Variants in RBM33 observed in about 807,000 individuals in gnomAD.
RBM33 encodes the protein RNA-binding protein 33.
Under a neutral mutation model 132.6 loss-of-function variants are expected in RBM33, and 28 were observed. The observed-to-expected ratio is 0.21, with a 90% CI of 0.16 to 0.29. The LOEUF (loss-of-function observed/expected upper bound fraction) is 0.29, where lower values mean the gene tolerates loss of function less well. Among genes scored for constraint, RBM33 ranks in the 10% least tolerant of loss-of-function variants. The pLI is 1.00. For synonymous variants in RBM33, 634 were observed against 593.0 expected (o/e 1.07, Z -1.01); for missense variants, 1,291 against 1,518.5 (o/e 0.85, Z 2.49).
At chr7:155,721,519 T>C (rs1213386614) in intron 9 of RBM33, among the ~76,000 whole-genome samples, 2 of 152,094 alleles carry the variant, frequency 1.3e-5, no homozygotes, top group Non-Finnish European at 2.9e-5. Context: ...TCATACCCAA[T>C]TGACTAAAAG....
intron 8 of RBM33, among the ~76,000 whole-genome samples, chr7:155,715,527 C>T (rs756163139): frequency 5.3e-5 from 8 of 152,132 alleles, no homozygotes; most frequent in African/African-American, 1.4e-4. Context: ...CACCCCAAAG[C>T]GCACGTGTGA....
chr7:155,727,485 T>C (rs372634053), intron 9 of RBM33, among the ~76,000 whole-genome samples: 2 of 152,100 alleles, frequency 1.3e-5, no homozygotes, highest in East Asian at 3.9e-4. Flanking sequence ...AGTTGTGTAA[T>C]TAGAGGGAAA....
At chr7:155,770,101 C>T (rs1479179285) in intron 16 of RBM33, among the ~76,000 whole-genome samples, 1 of 152,180 alleles carries the variant, frequency 6.6e-6, no homozygotes, top group East Asian at 1.9e-4. Flanking sequence ...TAAACCAGAG[C>T]AAAAGGAGCA....
intron 3 of RBM33, among the ~76,000 whole-genome samples, chr7:155,673,729 CAT>C (rs1185961264): frequency 6.3e-5 from 9 of 143,482 alleles, no homozygotes; most frequent in South Asian, 2.2e-4. Flanking sequence ...TATACACACA[CAT>C]ATATACATAC....
At chr7:155,701,040 C>A in intron 6 of RBM33, 96 bp downstream of exon 6, 1 of 1,114,794 alleles carries the variant, frequency 9.0e-7, no homozygotes, top group Admixed American at 2.0e-5. Context: ...AGAAGGTTGA[C>A]TAGGTAATTG....
At chr7:155,716,228 G>T (rs1159822147) in intron 8 of RBM33, among the ~76,000 whole-genome samples, 1 of 151,854 alleles carries the variant, frequency 6.6e-6, no homozygotes, top group African/African-American at 2.4e-5. Context: ...GCATCTCTTG[G>T]GTGGGCCAGG....
intron 9 of RBM33, among the ~76,000 whole-genome samples, chr7:155,722,696 G>T (rs1800663834): frequency 6.6e-6 from 1 of 152,092 alleles, no homozygotes; most frequent in African/African-American, 2.4e-5. Context: ...TTAACATGTT[G>T]TTTTGAGACT....
In RBM33 at chr7:155,700,814, A is replaced by G; in HGVS notation, c.609A>G (p.Glu203=). The part of the protein sequence containing the change: ...ETLELQKDIK[E]ESDEEEEDDE... ...TGGAACTTCAAAAGGACATCAAAGAAGAATCAGATGAAGAAGAAGAAGATG... is the reference window on the plus strand; with the variant it reads ...TGGAACTTCAAAAGGACATCAAAGAGGAATCAGATGAAGAAGAAGAAGATG... The change falls in exon 6 of 18, where the codon GAA becomes GAG. Residue 203 remains glutamate, a synonymous_variant. Transcript: ENST00000401878. 6.3e-7 allele frequency: 1 copy of G among 1,589,650 alleles called. No individual in the cohort carries two copies. The highest frequency in any genetic ancestry group is 8.6e-7 in the Non-Finnish European group (1 of 1,167,166).
chr7:155,686,888 A>G (rs1332600798), intron 5 of RBM33, among the ~76,000 whole-genome samples: 2 of 152,222 alleles, frequency 1.3e-5, no homozygotes, highest in African/African-American at 2.4e-5. Flanking sequence ...ATTGATGGAC[A>G]TTTGGGTTGG....
At chr7:155,681,543 C>T (rs748642641) in intron 5 of RBM33, among the ~76,000 whole-genome samples, 2 of 151,522 alleles carry the variant, frequency 1.3e-5, no homozygotes, top group Admixed American at 6.6e-5. Flanking sequence ...AAGATTCTCA[C>T]CTTTAAATGA....
chr7:155,649,383 A>G (rs1056339565), intron 1 of RBM33, among the ~76,000 whole-genome samples: 4 of 152,250 alleles, frequency 2.6e-5, no homozygotes, highest in Non-Finnish European at 5.9e-5. Context: ...TTCCTGGCAC[A>G]TAGCATGTGT....
chr7:155,718,168 C>T (rs1800519738), intron 8 of RBM33, among the ~76,000 whole-genome samples: 1 of 152,150 alleles, frequency 6.6e-6, no homozygotes, highest in Non-Finnish European at 1.5e-5. Flanking sequence ...ATTTAAACTT[C>T]TGCTTGCACT....
At chr7:155,752,781 G>T (rs997982206) in intron 14 of RBM33, among the ~76,000 whole-genome samples, 1 of 152,130 alleles carries the variant, frequency 6.6e-6, no homozygotes, top group African/African-American at 2.4e-5. Context: ...CATGCCTCTG[G>T]CCCACTTATT....
At chr7:155,673,493 CACACATAT>C in intron 3 of RBM33, among the ~76,000 whole-genome samples, 1 of 144,450 alleles carries the variant, frequency 6.9e-6, no homozygotes, top group Admixed American at 6.9e-5. Context: ...TATATATATA[CACACATAT>C]ATACATACAC....
At chr7:155,731,804 A>T (rs937269368) in intron 9 of RBM33, among the ~76,000 whole-genome samples, 3 of 152,238 alleles carry the variant, frequency 2.0e-5, no homozygotes, top group Non-Finnish European at 2.9e-5. Flanking sequence ...GATGAGATTC[A>T]TGGCAGTAAG....
rs1294533781 is a variant in RBM33, at chr7:155,739,824, C to T, written c.1847C>T (p.Pro616Leu). The T allele has an allele frequency of 1.0e-5, 13 of 1,249,876 alleles. No homozygotes were observed. The highest frequency in any genetic ancestry group is 1.5e-5 in the African/African-American group (1 of 65,166). 77.4% of individuals were successfully genotyped at this position (1,249,876 alleles called of 1,614,324 possible). A position where few individuals can be genotyped will look rare whatever the true frequency, so the allele number is the denominator to read the frequency against. ...QPPHQPPHQPPPQHQPPPQHP... is the reference protein window; with the variant it reads ...QPPHQPPHQPLPQHQPPPQHP... ...CCGCACCAGCCCCCGCACCAGCCCC[C>T]GCCCCAGCACCAGCCCCCACCCCAG... The change falls in exon 12 of 18, where the codon CCG becomes CTG. Residue 616 changes from proline to leucine, a missense_variant. This residue lies in a region of RBM33 where 841 missense variants were observed against 912.0 expected (regional missense o/e 0.92). Transcript: ENST00000401878.
At chr7:155,740,884 CTT>C (rs936298062) in intron 12 of RBM33, among the ~76,000 whole-genome samples, 1 of 151,732 alleles carries the variant, frequency 6.6e-6, no homozygotes, top group African/African-American at 2.4e-5. Flanking sequence ...ATATATGAGA[CTT>C]TGTAATTTGG....
At chr7:155,683,891 C>G (rs529216726) in intron 5 of RBM33, among the ~76,000 whole-genome samples, 1 of 152,236 alleles carries the variant, frequency 6.6e-6, no homozygotes, top group South Asian at 2.1e-4. Context: ...GTTTGTTTCC[C>G]AGCGAGAATC....
At position 155,741,867 on chromosome 7, in the gene RBM33, C is replaced by A; in HGVS notation, c.2098C>A (p.Pro700Thr). ...CAAGCGGCCCATGCAGCAAATGCAG[C>A]CCACTGCGCCAAGGAACAGCAATTT... ...VSKRPMQQMQ[P>T]TAPRNSNLRE... Residue 700 changes from proline to threonine, a missense_variant, in exon 13 of 18, where the codon CCC becomes ACC. By Grantham distance (38) the Pro-to-Thr change is conservative. Transcript: ENST00000401878. 1 of 1,613,966 alleles carries A rather than the reference C, an allele frequency of 6.2e-7. No homozygotes were observed. The highest frequency in any genetic ancestry group is 8.5e-7 in the Non-Finnish European group (1 of 1,179,834).
Sources: allele counts gnomAD v4.1 joint callset (sites outside exome capture counted in the v4.1 genomes callset), GRCh38; gene constraint gnomAD v4.1.1; regional missense constraint gnomAD v4.1.1; transcripts MANE v1.5; gene names NCBI Gene and HGNC (gene_info 2026-07-23, HGNC 2026-07-21).